Variants in WIPF3 observed in about 807,000 individuals in gnomAD.
WIPF3 encodes WAS/WASL-interacting protein family member 3.
In WIPF3, 33 loss-of-function variants were observed where a neutral mutation model predicts 38.9. The observed-to-expected ratio is 0.85, with a 90% CI of 0.64 to 1.14. The LOEUF (loss-of-function observed/expected upper bound fraction) is 1.14. Among genes scored for constraint, WIPF3 ranks in the 50% most tolerant of loss-of-function variants. WIPF3 has a pLI of 0.00. For synonymous variants in WIPF3, 324 were observed against 269.3 expected, an observed-to-expected ratio of 1.20 and a Z score of -1.99; for missense variants, 711 against 652.5, an observed-to-expected ratio of 1.09 and a Z score of -0.98.
rs752542248 is a variant in WIPF3, at chr7:29,888,215, T to C, written c.1247T>C (p.Ile416Thr). Residue 416 changes from isoleucine (I) to threonine (T), a missense_variant and splice_region_variant, in exon 6 of 9, where the codon ATT becomes ACT. By Grantham distance (89) the Ile-to-Thr change is moderately conservative. Coordinates refer to ENST00000242140, the MANE Select transcript of WIPF3 (RefSeq NM_001080529.3). Reference protein sequence around the residue: ...GQLRNGSLHIIDDFESKFTFH... With the variant: ...GQLRNGSLHITDDFESKFTFH... ...CTGCGAAATGGAAGCCTGCACATCATTGGTAAGTGGGTTGCACCCTCTGCC... is the reference window on the plus strand; with the variant it reads ...CTGCGAAATGGAAGCCTGCACATCACTGGTAAGTGGGTTGCACCCTCTGCC... The C allele has an allele frequency of 1.9e-6, 3 of 1,607,112 alleles. No homozygotes were observed. Among genetic ancestry groups the C allele is most frequent in the African/African-American group, 2.7e-5 (2 of 74,792 alleles).
At chr7:29,893,291 G>T (rs999640237) in intron 7 of WIPF3, among the ~76,000 whole-genome samples, 52 of 152,190 alleles carry the variant, frequency 3.4e-4, no homozygotes, top group Admixed American at 3.9e-4. Flanking sequence ...GGTGAGGGGA[G>T]GTGGCTAAAG....
intron 8 of WIPF3, among the ~76,000 whole-genome samples, chr7:29,912,249 C>T (rs886912183): frequency 6.6e-5 from 10 of 152,070 alleles, no homozygotes; most frequent in African/African-American, 1.9e-4. Flanking sequence ...CACATCAAGA[C>T]GGCTGCTATC....
chr7:29,869,771 T>C (rs536424545), intron 2 of WIPF3, among the ~76,000 whole-genome samples: 1 of 152,344 alleles, frequency 6.6e-6, no homozygotes, highest in Admixed American at 6.5e-5. Context: ...ATTCTCATTG[T>C]TGCTAAAAAT....
intron 2 of WIPF3, among the ~76,000 whole-genome samples, chr7:29,866,968 C>G (rs1490645766): frequency 6.6e-6 from 1 of 152,226 alleles, no homozygotes; most frequent in Non-Finnish European, 1.5e-5. Context: ...AGTGGATGGT[C>G]TGCTTCACCC....
In WIPF3 at chr7:29,916,335, C is replaced by G. The variant is rs1228176934; in HGVS notation, c.*1819C>G. On this transcript the variant is annotated 3_prime_UTR_variant, in exon 9 of 9. Transcript: ENST00000242140. ...AAGAAGACCCTAGACAAAGGCAATT[C>G]CACCTTCAGAGTAGACTGCCTGCCC... The G allele has an allele frequency of 6.6e-6, 1 of 152,228 alleles. No individual in the cohort carries two copies. The highest frequency in any genetic ancestry group is 1.9e-4 in the East Asian group (1 of 5,202). 9.4% of individuals were successfully genotyped at this position (152,228 alleles called of 1,614,324 possible). A position where few individuals can be genotyped will look rare whatever the true frequency, so the allele number is the denominator to read the frequency against.
chr7:29,881,244 A>G (rs906651394), intron 4 of WIPF3, among the ~76,000 whole-genome samples: 40 of 152,286 alleles, frequency 2.6e-4, no homozygotes, highest in South Asian at 2.1e-4. Context: ...CACCTGACAT[A>G]TCATGTATTC....
rs76313654 is a variant in WIPF3 at position 29,904,586 on chromosome 7, A to T, written c.1428+224A>T. ...GGGGCTTCCCTGGAATCACCACTAC[A>T]TATAGAAGCAAGTTTAGCAACTCTG... On this transcript the variant is annotated intron_variant, in intron 8 of 8. Transcript: ENST00000242140. 1.5e-3 allele frequency: 800 copies of T among 518,794 alleles called. 7 individuals carry two copies. The highest frequency in any genetic ancestry group is 0.015 in the African/African-American group (761 of 51,804). 32.1% of individuals were successfully genotyped at this position (518,794 alleles called of 1,614,324 possible).
At chr7:29,809,856 AAGT>A (rs1784343265) in intron 1 of WIPF3, among the ~76,000 whole-genome samples, 1 of 152,186 alleles carries the variant, frequency 6.6e-6, no homozygotes, top group Non-Finnish European at 1.5e-5. Context: ...GAAGATTTTC[AAGT>A]GCATCTTGAA....
rs1462945192 is a variant in WIPF3, at chr7:29,884,392, G to A, written c.898G>A (p.Ala300Thr). ...CCCGCCGCCCCCGCTCCCCCCTTAT[G>A]CTTCTTGCTCCCCGAGGGCTTCTTT... Reference protein sequence around the residue: ...PAPPPPLPPYASCSPRASLPA... With the variant: ...PAPPPPLPPYTSCSPRASLPA... The change falls in exon 5 of 9, where the codon GCT becomes ACT. Residue 300 changes from alanine to threonine, a missense_variant. Ala to Thr is a moderately conservative substitution (Grantham distance 58). Transcript: ENST00000242140. The A allele has an allele frequency of 3.2e-6, 4 of 1,231,502 alleles. No homozygotes were observed. The highest frequency in any genetic ancestry group is 4.2e-6 in the Non-Finnish European group (4 of 944,552). 76.3% of individuals were successfully genotyped at this position (1,231,502 alleles called of 1,614,324 possible).
At chr7:29,863,018 T>C (rs1319985659) in intron 2 of WIPF3, among the ~76,000 whole-genome samples, 1 of 152,258 alleles carries the variant, frequency 6.6e-6, no homozygotes, top group Non-Finnish European at 1.5e-5. Context: ...CTATCTTCCA[T>C]GTCCCAATTT....
chr7:29,893,535 C>G (rs987388853), intron 7 of WIPF3, among the ~76,000 whole-genome samples: 8 of 152,180 alleles, frequency 5.3e-5, no homozygotes, highest in African/African-American at 1.9e-4. Flanking sequence ...CCCTCCCAGA[C>G]AGCCAGGCCC....
At chr7:29,900,180 GC>G (rs1562790287) in intron 7 of WIPF3, among the ~76,000 whole-genome samples, 2 of 151,710 alleles carry the variant, frequency 1.3e-5, no homozygotes, top group Non-Finnish European at 2.9e-5. Context: ...CAAGTGATCC[GC>G]CTGCCTCAGC....
At chr7:29,865,761 T>G (rs1156848350) in intron 2 of WIPF3, among the ~76,000 whole-genome samples, 2 of 152,202 alleles carry the variant, frequency 1.3e-5, no homozygotes, top group African/African-American at 4.8e-5. Context: ...GGACTGTCCT[T>G]GGGCTAGCTG....
chr7:29,890,392 G>C (rs1399187524), intron 7 of WIPF3, among the ~76,000 whole-genome samples: 1 of 151,654 alleles, frequency 6.6e-6, no homozygotes, highest in African/African-American at 2.4e-5. Flanking sequence ...AGAATGAGGT[G>C]ATGAGGTGGA....
chr7:29,809,184 T>C (rs1264037763), intron 1 of WIPF3, among the ~76,000 whole-genome samples: 2 of 152,198 alleles, frequency 1.3e-5, no homozygotes, highest in Non-Finnish European at 2.9e-5. Flanking sequence ...CTTCTAGTGA[T>C]TTTATTTTTC....
intron 2 of WIPF3, among the ~76,000 whole-genome samples, chr7:29,848,504 C>T (rs1368853050): frequency 6.6e-6 from 1 of 152,114 alleles, no homozygotes; most frequent in African/African-American, 2.4e-5. Context: ...GTTCTTTAGG[C>T]CTTGTGGCAG....
intron 1 of WIPF3, among the ~76,000 whole-genome samples, chr7:29,830,635 A>T (rs1434910188): frequency 2.0e-5 from 3 of 151,642 alleles, no homozygotes; most frequent in Non-Finnish European, 4.4e-5. Context: ...AAAAAAAAAA[A>T]AGAAAGAAAG....
intron 1 of WIPF3, among the ~76,000 whole-genome samples, chr7:29,813,189 G>A (rs174920): frequency 0.99 from 150,115 of 152,274 alleles, 74,004 homozygotes; most frequent in East Asian, 1. Context: ...TCCCATTGCC[G>A]TTACTCTGAT....
At chr7:29,891,895 A>C (rs78112473) in intron 7 of WIPF3, among the ~76,000 whole-genome samples, 8,240 of 152,264 alleles carry the variant, frequency 0.054, 255 homozygotes, top group Middle Eastern at 0.12. Flanking sequence ...GGCTGAGGAC[A>C]GGACAGACCC....
Sources: gnomAD v4.1 joint callset for allele counts (sites outside exome capture counted in the v4.1 genomes callset) on GRCh38, gnomAD v4.1.1 for gene constraint, MANE v1.5 for transcripts, NCBI Gene and HGNC (gene_info 2026-07-23, HGNC 2026-07-21) for gene names.